SEMA6D: variants seen among roughly 807,000 people sequenced by gnomAD.
SEMA6D encodes the protein semaphorin 6D, also known as semaphorin-6D.
In SEMA6D, 35 loss-of-function variants were observed where a neutral mutation model predicts 106.6. That is an observed-to-expected ratio of 0.33 (90% confidence interval 0.25 to 0.44). The LOEUF (loss-of-function observed/expected upper bound fraction) is 0.44, where lower values mean the gene tolerates loss of function less well. Among genes scored for constraint, SEMA6D ranks in the 20% least tolerant of loss-of-function variants. SEMA6D has a pLI of 1.00. For synonymous variants in SEMA6D, 499 were observed against 487.7 expected (o/e 1.02, Z -0.31); for missense variants, 1,185 against 1,345.9 (o/e 0.88, Z 1.87).
At chr15:47,566,574 C>G (rs1290622155) in intron 3 of SEMA6D, among the ~76,000 whole-genome samples, 2 of 152,164 alleles carry the variant, frequency 1.3e-5, no homozygotes, top group Non-Finnish European at 2.9e-5. Flanking sequence ...TTTTCAAGAG[C>G]TTCTTAGATT....
At chr15:47,397,729 T>C (rs1352891077) in intron 1 of SEMA6D, 1 of 152,218 alleles carries the variant, frequency 6.6e-6, no homozygotes, top group African/African-American at 2.4e-5. Flanking sequence ...AACTTCAGCA[T>C]TTCCTTGCTT....
intron 1 of SEMA6D, among the ~76,000 whole-genome samples, chr15:47,260,588 C>G (rs925079157): frequency 6.6e-6 from 1 of 152,112 alleles, no homozygotes; most frequent in East Asian, 1.9e-4. Flanking sequence ...TAGGATTTTT[C>G]TGCCTGTGTC....
chr15:47,445,641 C>T (rs1464783053), intron 2 of SEMA6D, among the ~76,000 whole-genome samples: 10 of 151,972 alleles, frequency 6.6e-5, no homozygotes, highest in Non-Finnish European at 1.5e-4. Flanking sequence ...CTATGTGTTA[C>T]CTATTGCTGA....
intron 3 of SEMA6D, among the ~76,000 whole-genome samples, chr15:47,520,143 G>T (rs1240975132): frequency 6.6e-6 from 1 of 152,116 alleles, no homozygotes; most frequent in Non-Finnish European, 1.5e-5. Context: ...CTTGATACCT[G>T]GGATATTCTC....
chr15:47,505,640 A>G lies in SEMA6D; in HGVS notation c.-87+35095A>G, dbSNP rs896654297. 5.3e-5 allele frequency among the ~76,000 whole-genome samples: 8 copies of G among 152,166 alleles called. No homozygotes were observed. The South Asian group carries it at 1.5e-3, about 28-fold the overall frequency. On this transcript the variant is annotated intron_variant, in intron 3 of 19. Coordinates refer to the SEMA6D transcript ENST00000558014. The stretch of plus-strand genomic sequence containing the variant: ...TAGGAGGAGAGAGTCAGAATATCTA[A>G]TTGACTCTAAAACGGTTCAGCAAGA...
At chr15:47,479,667 T>G (rs2141279301) in intron 3 of SEMA6D, among the ~76,000 whole-genome samples, 1 of 152,146 alleles carries the variant, frequency 6.6e-6, no homozygotes, top group African/African-American at 2.4e-5. Flanking sequence ...TGGAATATCT[T>G]TTCTTGATAA....
intron 1 of SEMA6D, among the ~76,000 whole-genome samples, chr15:47,189,876 G>T (rs1171743387): frequency 2.0e-5 from 3 of 152,110 alleles, no homozygotes; most frequent in African/African-American, 7.2e-5. Flanking sequence ...TATAAATAGT[G>T]CATAAAGCTT....
chr15:47,683,604 C>A (rs1859000026), intron 4 of SEMA6D, among the ~76,000 whole-genome samples: 1 of 152,054 alleles, frequency 6.6e-6, no homozygotes, highest in South Asian at 2.1e-4. Context: ...GGTTATATAT[C>A]TTGTCTGCAT....
At chr15:47,626,066 T>A (rs2077196330) in intron 4 of SEMA6D, among the ~76,000 whole-genome samples, 1 of 152,174 alleles carries the variant, frequency 6.6e-6, no homozygotes, top group Non-Finnish European at 1.5e-5. Context: ...TTAAAATATA[T>A]AACTTGTGCC....
intron 2 of SEMA6D, among the ~76,000 whole-genome samples, chr15:47,422,682 A>G (rs146519253): frequency 2.6e-5 from 4 of 152,158 alleles, no homozygotes; most frequent in African/African-American, 9.6e-5. Flanking sequence ...TTGACTCCAG[A>G]TGTTGGATGT....
chr15:47,351,724 T>C (rs2144811653), intron 1 of SEMA6D, among the ~76,000 whole-genome samples: 1 of 152,328 alleles, frequency 6.6e-6, no homozygotes, highest in East Asian at 1.9e-4. Context: ...AATTTATGTT[T>C]GAGTCTTCCT....
chr15:47,765,238 G>C (rs1461382658), intron 13 of SEMA6D, 182 bp downstream of exon 13: 14 of 1,385,408 alleles, frequency 1.0e-5, no homozygotes, highest in Non-Finnish European at 1.3e-5. Context: ...CTAGGGCGAG[G>C]GGGGTGAATG....
chr15:47,304,480 G>A (rs2036155591), intron 1 of SEMA6D, among the ~76,000 whole-genome samples: 2 of 136,670 alleles, frequency 1.5e-5, no homozygotes, highest in Non-Finnish European at 1.5e-5. Flanking sequence ...TTCTCTTAGT[G>A]TAAAGGCACC....
At chr15:47,630,719 T>C (rs1708810163) in intron 4 of SEMA6D, among the ~76,000 whole-genome samples, 1 of 151,900 alleles carries the variant, frequency 6.6e-6, no homozygotes. Flanking sequence ...ACGTATGATA[T>C]TAGCTGTTGG....
chr15:47,253,058 A>G (rs1232417182), intron 1 of SEMA6D, among the ~76,000 whole-genome samples: 1 of 152,072 alleles, frequency 6.6e-6, no homozygotes. Flanking sequence ...ACCAGCATCC[A>G]TTATTCCCTG....
chr15:47,321,997 G>A (rs935372052), intron 1 of SEMA6D, among the ~76,000 whole-genome samples: 1 of 152,056 alleles, frequency 6.6e-6, no homozygotes, highest in Non-Finnish European at 1.5e-5. Flanking sequence ...GATATTTAGG[G>A]TAAGTCTATG....
At chr15:47,265,015 A>G (rs2034252843) in intron 1 of SEMA6D, among the ~76,000 whole-genome samples, 2 of 152,030 alleles carry the variant, frequency 1.3e-5, no homozygotes, top group African/African-American at 4.8e-5. Context: ...TCAGTTTGCT[A>G]GAATCTTCTT....
chr15:47,450,580 C>T (rs1036625461), intron 2 of SEMA6D, among the ~76,000 whole-genome samples: 2 of 152,040 alleles, frequency 1.3e-5, no homozygotes, highest in Non-Finnish European at 2.9e-5. Context: ...GTTTTATGGG[C>T]TTTTCAAATG....
At chr15:47,342,487 T>TA (rs1281379343) in intron 1 of SEMA6D, among the ~76,000 whole-genome samples, 1 of 152,200 alleles carries the variant, frequency 6.6e-6, no homozygotes, top group Non-Finnish European at 1.5e-5. Flanking sequence ...CTTACCTCCT[T>TA]AAGCAGGAAA....
Sources: allele counts gnomAD v4.1 joint callset (sites outside exome capture counted in the v4.1 genomes callset), GRCh38; gene constraint gnomAD v4.1.1; transcripts MANE v1.5; gene names NCBI Gene and HGNC (gene_info 2026-07-23, HGNC 2026-07-21).